Variants in HYCC2 observed in about 807,000 individuals in gnomAD.
HYCC2 encodes hyccin PI4KA lipid kinase complex subunit 2.
chr2:201,068,075 C>T, the HYCC2 span, among the ~76,000 whole-genome samples: 85 of 152,050 alleles, frequency 5.6e-4, no homozygotes, highest in African/African-American at 1.9e-3. Context: ...ACCTGACGTC[C>T]GGAGTTCGAG....
chr2:201,066,972 C>T, the HYCC2 span: 8 of 267,120 alleles, frequency 3.0e-5, no homozygotes, highest in Non-Finnish European at 5.9e-5. Context: ...TCCTGCTGAC[C>T]AGAGTTCACC....
At chr2:201,008,646 G>A in the HYCC2 span, among the ~76,000 whole-genome samples, 1 of 152,044 alleles carries the variant, frequency 6.6e-6, no homozygotes, top group East Asian at 1.9e-4. Context: ...TATAATCTCA[G>A]CACTTTGTGA....
the HYCC2 span, among the ~76,000 whole-genome samples, chr2:201,050,463 T>C: frequency 4.0e-5 from 6 of 151,864 alleles, no homozygotes; most frequent in Non-Finnish European, 8.8e-5. Context: ...TATTAAAGTC[T>C]TCCAGAGAAC....
chr2:201,046,275 T>A, the HYCC2 span, among the ~76,000 whole-genome samples: 7 of 152,174 alleles, frequency 4.6e-5, no homozygotes, highest in Non-Finnish European at 5.9e-5. Context: ...TACCTTTCTT[T>A]GATACAAAGA....
chr2:201,042,699 G>A, the HYCC2 span, among the ~76,000 whole-genome samples: 8 of 151,334 alleles, frequency 5.3e-5, no homozygotes, highest in South Asian at 2.1e-4. Context: ...TCCGGGAGCT[G>A]GGGGGCAGCC....
At chr2:200,974,417 CTG>C in the HYCC2 span, 2 of 151,964 alleles carry the variant, frequency 1.3e-5, no homozygotes, top group East Asian at 3.8e-4. Context: ...ACCCTAAAAA[CTG>C]TTTCACTTAA....
At chr2:201,060,054 CG>C in the HYCC2 span, among the ~76,000 whole-genome samples, 2,485 of 36,496 alleles carry the variant, frequency 0.068, 59 homozygotes, top group African/African-American at 0.1. Context: ...AAAAAAAAAG[CG>C]GGGGGGGGGG....
chr2:201,026,019 CA>C, the HYCC2 span, among the ~76,000 whole-genome samples: 7 of 152,138 alleles, frequency 4.6e-5, no homozygotes, highest in Middle Eastern at 3.4e-3. Context: ...CACAGACTGG[CA>C]AATTGGATAA....
chr2:201,071,359 C>G, the HYCC2 span: 1 of 152,704 alleles, frequency 6.5e-6, no homozygotes, highest in East Asian at 1.9e-4. Context: ...GCAGCCCCCA[C>G]GCCCTAGGTG....
the HYCC2 span, chr2:200,981,791 T>C: frequency 6.2e-7 from 1 of 1,614,176 alleles, no homozygotes; most frequent in East Asian, 2.2e-5. The surrounding 1 kb of genome is among the most constrained non-coding windows in gnomAD (Gnocchi z 4.5). Flanking sequence ...GGCTGACTGC[T>C]GAGGGAAGCC....
the HYCC2 span, among the ~76,000 whole-genome samples, chr2:201,012,239 C>T: frequency 2.0e-5 from 3 of 152,076 alleles, no homozygotes; most frequent in East Asian, 1.9e-4. Context: ...GCAGTCGGAT[C>T]GCTTCAGCTC....
the HYCC2 span, among the ~76,000 whole-genome samples, chr2:201,036,287 G>A: frequency 1.3e-5 from 2 of 152,256 alleles, no homozygotes; most frequent in Admixed American, 1.3e-4. Context: ...GGACTAAATG[G>A]ATTCACAGCC....
chr2:201,022,977 G>A, the HYCC2 span: 1 of 1,284,066 alleles, frequency 7.8e-7, no homozygotes, highest in Admixed American at 1.9e-5. Context: ...CATTTGAGAA[G>A]CAAGGAACTT....
the HYCC2 span, among the ~76,000 whole-genome samples, chr2:201,062,773 G>A: frequency 6.6e-6 from 1 of 150,674 alleles, no homozygotes; most frequent in Non-Finnish European, 1.5e-5. Flanking sequence ...AGCTATAATC[G>A]CACCACTGCA....
At chr2:200,982,098 T>C in the HYCC2 span, among the ~76,000 whole-genome samples, 1 of 152,026 alleles carries the variant, frequency 6.6e-6, no homozygotes, top group African/African-American at 2.4e-5. Context: ...TGTACAACTA[T>C]CCACAAACAT....
chr2:201,068,051 G>A, the HYCC2 span, among the ~76,000 whole-genome samples: 2 of 152,236 alleles, frequency 1.3e-5, no homozygotes, highest in South Asian at 2.1e-4. Context: ...TATGGAGGCC[G>A]AGGCAGGCGG....
chr2:201,050,256 T>A, the HYCC2 span, among the ~76,000 whole-genome samples: 1 of 148,588 alleles, frequency 6.7e-6, no homozygotes, highest in South Asian at 2.1e-4. Flanking sequence ...AAAAAAACCA[T>A]GTCAGTATAA....
chr2:201,010,815 A>C, the HYCC2 span, among the ~76,000 whole-genome samples: 101 of 152,036 alleles, frequency 6.6e-4, no homozygotes, highest in African/African-American at 2.4e-3. Flanking sequence ...AAAATTAAAG[A>C]ATTTTTTAAA....
the HYCC2 span, among the ~76,000 whole-genome samples, chr2:201,064,576 G>C: frequency 6.6e-6 from 1 of 152,058 alleles, no homozygotes; most frequent in South Asian, 2.1e-4. Context: ...GTGACCTGAA[G>C]TTCACCATTA....
Sources: allele counts gnomAD v4.1 joint callset (sites outside exome capture counted in the v4.1 genomes callset), GRCh38; gene constraint gnomAD v4.1.1; non-coding constraint Gnocchi (gnomAD v3.1); transcripts MANE v1.5; gene names NCBI Gene and HGNC (gene_info 2026-07-23, HGNC 2026-07-21).